Variants in RPL8 observed in about 807,000 individuals in gnomAD.
The protein encoded by RPL8 is ribosomal protein L8.
For missense variants in RPL8, 248 were observed against 365.9 expected (o/e 0.68, Z 2.63); for synonymous variants, 182 against 143.2 (o/e 1.27, Z -1.94).
At position 144,792,327 on chromosome 8, in the gene RPL8, G is replaced by T. The variant is rs952056948; in HGVS notation, c.-198C>A. ...GCGCCTCACGGAAGAGGATGGCGGC[G>T]GATACTGCCCATGCCGCAAGGCCGC... On this transcript the variant is annotated 5_prime_UTR_variant, in exon 1 of 5. Coordinates refer to ENST00000528957, the MANE Select transcript of RPL8 (RefSeq NM_001317782.2). 2.3e-4 allele frequency: 190 copies of T among 835,436 alleles called. No homozygotes were observed. The highest frequency in any genetic ancestry group is 3.0e-4 in the Non-Finnish European group (181 of 603,018). The allele number at this position is 835,436 out of a possible 1,614,324, so 51.8% of individuals were successfully genotyped here.
chr8:144,791,110 C>T, intron 3 of RPL8, 167 bp downstream of exon 3: 1 of 650,496 alleles, frequency 1.5e-6, no homozygotes, highest in Non-Finnish European at 2.7e-6. Flanking sequence ...GCCTGTTGTA[C>T]AGTGATGACA....
chr8:144,790,315 G>T (rs552821081), intron 4 of RPL8, 40 bp downstream of exon 4: 1 of 1,552,196 alleles, frequency 6.4e-7, no homozygotes, highest in South Asian at 1.1e-5. Flanking sequence ...TGTGGCCACT[G>T]TAACTTCAAT....
At chr8:144,790,290 T>G in intron 4 of RPL8, 65 bp downstream of exon 4, 1 of 1,361,814 alleles carries the variant, frequency 7.3e-7, no homozygotes. Flanking sequence ...TGGATGGGAC[T>G]TGCCTACCCA....
intron 2 of RPL8, 72 bp from the exon 3 acceptor site, chr8:144,791,567 C>T: frequency 1.3e-6 from 2 of 1,529,580 alleles, no homozygotes; most frequent in Non-Finnish European, 1.8e-6. Context: ...CTAGGCAACC[C>T]GCGAAGTTGC....
intron 4 of RPL8, 71 bp downstream of exon 4, chr8:144,790,284 T>C: frequency 1.6e-6 from 2 of 1,285,174 alleles, no homozygotes; most frequent in Non-Finnish European, 1.1e-6. Flanking sequence ...CACCTGTGGA[T>C]GGGACTTGCC....
Position 144,791,491 on chromosome 8 carries a change from C to A in RPL8, c.285G>T (p.Gln95His). The stretch of plus-strand genomic sequence containing the variant: ...CAGGGAGCACATTGCCAATGTTGAG[C>A]TGGGCTGCAAGGGGAAGCAGCATCA... ...GQFVYCGKKA[Q>H]LNIGNVLPVG... is the part of the protein sequence containing the mutation. Residue 95 changes from glutamine to histidine, a missense_variant, in exon 3 of 5, where the codon CAG becomes CAT. Transcript: ENST00000528957. 1 of 1,613,506 alleles carries A rather than the reference C, an allele frequency of 6.2e-7. No individual in the cohort carries two copies. Among genetic ancestry groups the A allele is most frequent in the South Asian group, 1.1e-5 (1 of 91,070 alleles).
In RPL8 at chr8:144,791,410, G is replaced by A. The variant is rs960096673; in HGVS notation, c.366C>T (p.Asp122=). The A allele has an allele frequency of 1.1e-5, 17 of 1,613,838 alleles. No individual in the cohort carries two copies. The African/African-American group carries it at 1.3e-4, about 13-fold the overall frequency. The change falls in exon 3 of 5, where the codon GAC becomes GAT. Residue 122 remains aspartate, a synonymous_variant. Transcript: ENST00000528957. The part of the protein sequence containing the change: ...IVCCLEEKPG[D]RGKLARASGN... Reference sequence around the variant, plus strand: ...CTGATGCCCGGGCCAGCTTGCCACGGTCTCCAGGCTTCTCCTCCAGGCAGC... The same window carrying A: ...CTGATGCCCGGGCCAGCTTGCCACGATCTCCAGGCTTCTCCTCCAGGCAGC...
rs920170449 is a variant in RPL8 at position 144,792,331 on chromosome 8, ACTG to A, written c.-205_-203del. Reference sequence around the variant, plus strand: ...CTCACGGAAGAGGATGGCGGCGGATACTGCCCATGCCGCAAGGCCGCAAGGATG... The same window carrying A: ...CTCACGGAAGAGGATGGCGGCGGATACCCATGCCGCAAGGCCGCAAGGATG... On this transcript the variant is annotated 5_prime_UTR_variant, in exon 1 of 5. Coordinates refer to ENST00000528957, the MANE Select transcript of RPL8 (RefSeq NM_001317782.2). The A allele has an allele frequency of 9.8e-6, 8 of 813,932 alleles. No individual in the cohort carries two copies. Among genetic ancestry groups the A allele is most frequent in the African/African-American group, 1.8e-5 (1 of 55,092 alleles). 50.4% of individuals were successfully genotyped at this position (813,932 alleles called of 1,614,324 possible).
At chr8:144,790,509 T>C in intron 3 of RPL8, 39 bp from the exon 4 acceptor site, 4 of 1,489,504 alleles carry the variant, frequency 2.7e-6, no homozygotes, top group Non-Finnish European at 3.7e-6. Flanking sequence ...CCCCAGTCGG[T>C]CAGAGCACCC....
Position 144,791,475 on chromosome 8 carries a change from C to T in RPL8, c.301G>A (p.Val101Met). The T allele has an allele frequency of 6.2e-7, 1 of 1,613,790 alleles. No homozygotes were observed. Among genetic ancestry groups the T allele is most frequent in the Non-Finnish European group, 8.5e-7 (1 of 1,180,014 alleles). ...TCAGGCATGGTGCCCACAGGGAGCA[C>T]ATTGCCAATGTTGAGCTGGGCTGCA... ...GKKAQLNIGN[V>M]LPVGTMPEGT... The change falls in exon 3 of 5, where the codon GTG becomes ATG. Residue 101 changes from valine (V) to methionine (M), a missense_variant. Val to Met is a conservative substitution (Grantham distance 21). Coordinates refer to ENST00000528957, the MANE Select transcript of RPL8 (RefSeq NM_001317782.2).
Position 144,790,490 on chromosome 8 carries a change from T to A in RPL8, c.500-20A>T. The A allele has an allele frequency of 6.3e-7, 1 of 1,594,442 alleles. No individual in the cohort carries two copies. The highest frequency in any genetic ancestry group is 8.6e-7 in the Non-Finnish European group (1 of 1,162,310). ...CCACACCTGTAGGGGATCAGATACC[T>A]CAGGGAACCCCCAGTCGGTCAGAGC... On this transcript the variant is annotated intron_variant, in intron 3 of 4. Coordinates refer to ENST00000528957, the MANE Select transcript of RPL8 (RefSeq NM_001317782.2).
At chr8:144,791,190 G>T in intron 3 of RPL8, 87 bp downstream of exon 3, 1 of 1,325,350 alleles carries the variant, frequency 7.5e-7, no homozygotes, top group Non-Finnish European at 1.1e-6. Flanking sequence ...CGAATTCCAG[G>T]GACCAAGTCT....
At chr8:144,790,052 G>T in intron 4 of RPL8, 90 bp from the exon 5 acceptor site, 6 of 1,430,090 alleles carry the variant, frequency 4.2e-6, no homozygotes, top group Non-Finnish European at 5.6e-6. Flanking sequence ...GCCCAATTCC[G>T]CGAAGCCCCT....
Position 144,791,909 on chromosome 8 carries a change from G to A in RPL8, c.144C>T (p.Ile48=), listed in dbSNP as rs1826539668. 10 of 1,613,022 alleles carry A rather than the reference G, an allele frequency of 6.2e-6. No homozygotes were observed. In the East Asian group the frequency reaches 6.7e-5, roughly 11 times the overall value. The stretch of plus-strand genomic sequence containing the variant: ...GCGCGCCGCGGCCCGGGTCGTGGAT[G>A]ATGTCCTGTGGGCAGAGGCGGCGTG... ...HGYIKGIVKD[I]IHDPGRGAPL... The change falls in exon 2 of 5, where the codon ATC becomes ATT. Residue 48 remains isoleucine, a synonymous_variant. Coordinates refer to ENST00000528957, the MANE Select transcript of RPL8 (RefSeq NM_001317782.2).
At position 144,792,096 on chromosome 8, in the gene RPL8, C is replaced by G; in HGVS notation, c.34G>C (p.Ala12Pro). The change falls in exon 1 of 5, where the codon GCC (alanine) becomes CCC (proline). Residue 12 changes from alanine (A) to proline (P), a missense_variant. Coordinates refer to ENST00000528957, the MANE Select transcript of RPL8 (RefSeq NM_001317782.2). ...GRVIRGQRKGAGSVFRAHVKH... is the reference protein window; with the variant it reads ...GRVIRGQRKGPGSVFRAHVKH... ...ACGTGCGCGCGGAACACAGACCCGG[C>G]GCCCTTCCTCTGTCCACGGATCACA... is the stretch of plus-strand genomic sequence containing the variant. 2 of 1,592,218 alleles carry G rather than the reference C, an allele frequency of 1.3e-6. No homozygotes were observed. The highest frequency in any genetic ancestry group is 1.7e-6 in the Non-Finnish European group (2 of 1,172,296).
At chr8:144,790,077 C>T (rs1826445265) in intron 4 of RPL8, 115 bp from the exon 5 acceptor site, 6 of 1,269,906 alleles carry the variant, frequency 4.7e-6, no homozygotes, top group Non-Finnish European at 1.1e-6. Flanking sequence ...ACAGCATGTG[C>T]CGCTAGACAA....
intron 2 of RPL8, 29 bp downstream of exon 2, chr8:144,791,744 C>G: frequency 1.2e-6 from 2 of 1,612,604 alleles, no homozygotes; most frequent in Non-Finnish European, 1.7e-6. Context: ...CTCCCCACCC[C>G]GACCTTCCTT....
chr8:144,790,677 C>T, intron 3 of RPL8: 2 of 692,440 alleles, frequency 2.9e-6, no homozygotes, highest in Admixed American at 2.0e-5. Flanking sequence ...AAGGCCCTCA[C>T]CTCCATCACC....
At chr8:144,791,191 G>C in intron 3 of RPL8, 86 bp downstream of exon 3, 3 of 1,345,288 alleles carry the variant, frequency 2.2e-6, no homozygotes, top group Non-Finnish European at 3.2e-6. Flanking sequence ...GAATTCCAGG[G>C]ACCAAGTCTA....
Sources: allele counts gnomAD v4.1 joint callset, GRCh38; gene constraint gnomAD v4.1.1; transcripts MANE v1.5; gene names NCBI Gene and HGNC (gene_info 2026-07-23, HGNC 2026-07-21).